The following TRAPPC9 variants were observed in gnomAD, a reference collection of about 807,000 sequenced individuals.
TRAPPC9 encodes the protein IKK2 binding protein.
TRAPPC9 carries 83 observed loss-of-function variants against 124.0 expected under a neutral mutation model. The observed-to-expected ratio is 0.67, with a 90% CI of 0.56 to 0.80. The LOEUF is 0.80. TRAPPC9 is among the 30% of genes least tolerant of loss of function. The probability of loss-of-function intolerance (pLI) is 0.00; values close to 1 mark genes in which losing one functional copy is unlikely to be tolerated. For synonymous variants in TRAPPC9, 638 were observed against 617.5 expected, an observed-to-expected ratio of 1.03 and a Z score of -0.49; for missense variants, 1,302 against 1,508.3, an observed-to-expected ratio of 0.86 and a Z score of 2.27.
At chr8:139,937,235 A>C (rs1833588804) in intron 19 of TRAPPC9, among the ~76,000 whole-genome samples, 1 of 152,170 alleles carries the variant, frequency 6.6e-6, no homozygotes, top group African/African-American at 2.4e-5. Context: ...TTATGGGAAG[A>C]GGCACAGAAG....
intron 2 of TRAPPC9, among the ~76,000 whole-genome samples, chr8:140,443,777 C>T (rs2071133393): frequency 6.6e-6 from 1 of 152,078 alleles, no homozygotes. Context: ...TGGCTCACGC[C>T]TGTAATACCA....
rs1823381934 is a variant in TRAPPC9 at position 139,800,161 on chromosome 8, GGCTGAGGTCCCCAGCCC to G, written c.3056-67976_3056-67960del. ...GCGCTCCTGCCGCTGGGGCGCCTTT[GGCTGAGGTCCCCAGCCC>G]GCTGTGCTGTGTGGTGCTGTGAGAC... On this transcript the variant is annotated intron_variant, in intron 21 of 22. Transcript: ENST00000438773. Among the ~76,000 whole-genome samples, 5 of 152,374 alleles carry G rather than the reference GGCTGAGGTCCCCAGCCC, an allele frequency of 3.3e-5. No individual in the cohort carries two copies. In the South Asian group the frequency reaches 1.0e-3, roughly 32 times the overall value.
Position 140,075,141 on chromosome 8 carries a change from G to C in TRAPPC9, c.2557-51062C>G, listed in dbSNP as rs1357164195. Among the ~76,000 whole-genome samples the C allele has an allele frequency of 2.0e-5, 3 of 152,132 alleles. No individual in the cohort carries two copies. In the East Asian group the frequency reaches 5.8e-4, roughly 29 times the overall value. ...GCCCTGCAGACAGGGCTCGGCCCCA[G>C]AGCAGGTGACTCCAGAAAAACACCA... is the stretch of plus-strand genomic sequence containing the variant. On this transcript the variant is annotated intron_variant, in intron 17 of 22. Transcript: ENST00000438773.
At chr8:140,184,008 G>A (rs2062291861) in intron 17 of TRAPPC9, among the ~76,000 whole-genome samples, 1 of 147,458 alleles carries the variant, frequency 6.8e-6, no homozygotes, top group Non-Finnish European at 1.5e-5. Context: ...GAGGGGAGAA[G>A]AGAAGATCCA....
intron 21 of TRAPPC9, among the ~76,000 whole-genome samples, chr8:139,747,221 G>A (rs1007449574): frequency 1.1e-4 from 16 of 152,168 alleles, no homozygotes; most frequent in African/African-American, 4.8e-5. Flanking sequence ...GTGGCTCTGT[G>A]TTGAGTCCTT....
rs187984630 is a variant in TRAPPC9, at chr8:140,087,565, G to A, written c.2557-63486C>T. Among the ~76,000 whole-genome samples the A allele has an allele frequency of 5.3e-5, 8 of 152,192 alleles. No homozygotes were observed. Among genetic ancestry groups the A allele is most frequent in the South Asian group, 4.2e-4 (2 of 4,804 alleles). On this transcript the variant is annotated intron_variant, in intron 17 of 22. Transcript: ENST00000438773. The surrounding 1 kb of genome is among the most constrained non-coding windows in gnomAD (Gnocchi z 4.6). Reference sequence around the variant, plus strand: ...CATCTCAGTAAATAAAACAACCACCGTCCAGCTGCTCAGGCCAAAACCTTA... The same window carrying A: ...CATCTCAGTAAATAAAACAACCACCATCCAGCTGCTCAGGCCAAAACCTTA...
At chr8:139,804,495 C>A (rs1160956036) in intron 21 of TRAPPC9, among the ~76,000 whole-genome samples, 8 of 125,462 alleles carry the variant, frequency 6.4e-5, no homozygotes, top group East Asian at 2.6e-4. Flanking sequence ...CACCACCACA[C>A]ACACAACCAC....
chr8:139,764,069 G>A (rs1008810605), intron 21 of TRAPPC9, among the ~76,000 whole-genome samples: 8 of 152,206 alleles, frequency 5.3e-5, no homozygotes, highest in Non-Finnish European at 1.5e-5. Flanking sequence ...AGTGAAGAAG[G>A]GCCTTGGGAG....
chr8:140,259,143 G>A (rs1463959812), intron 15 of TRAPPC9, among the ~76,000 whole-genome samples: 7 of 152,056 alleles, frequency 4.6e-5, no homozygotes, highest in East Asian at 3.9e-4. Flanking sequence ...CTCCTTCCCC[G>A]CTCTTCACCC....
At chr8:140,442,480 C>T (rs546687625) in intron 2 of TRAPPC9, among the ~76,000 whole-genome samples, 4 of 151,872 alleles carry the variant, frequency 2.6e-5, no homozygotes, top group South Asian at 4.2e-4. Context: ...GCGCCGTAGT[C>T]CCAGCTACTC....
chr8:139,917,172 T>C (rs1274341835), intron 19 of TRAPPC9, among the ~76,000 whole-genome samples: 3 of 133,858 alleles, frequency 2.2e-5, no homozygotes, highest in East Asian at 2.2e-4. Context: ...ATTTTCTTTT[T>C]TTTTTTTTTT....
intron 17 of TRAPPC9, among the ~76,000 whole-genome samples, chr8:140,189,326 C>A (rs910964075): frequency 3.9e-5 from 6 of 152,208 alleles, no homozygotes; most frequent in African/African-American, 9.6e-5. Context: ...ATACACAACT[C>A]CTTGCCTTAG....
At chr8:140,110,003 A>G (rs2060734379) in intron 17 of TRAPPC9, among the ~76,000 whole-genome samples, 2 of 152,076 alleles carry the variant, frequency 1.3e-5, no homozygotes, top group Admixed American at 6.5e-5. Flanking sequence ...GTTCCAAGAG[A>G]CAGACTCAGG....
At chr8:139,980,589 G>A (rs987271531) in intron 19 of TRAPPC9, among the ~76,000 whole-genome samples, 9 of 152,334 alleles carry the variant, frequency 5.9e-5, no homozygotes, top group East Asian at 3.9e-4. Flanking sequence ...GCCATGCATC[G>A]GGCATGGCCT....
intron 16 of TRAPPC9, among the ~76,000 whole-genome samples, chr8:140,245,838 G>A (rs1287822962): frequency 6.6e-6 from 1 of 152,192 alleles, no homozygotes; most frequent in Admixed American, 6.5e-5. Context: ...CTCCCAGCAG[G>A]AGGAACATAA....
At chr8:139,853,627 G>A (rs1235234184) in intron 21 of TRAPPC9, among the ~76,000 whole-genome samples, 1 of 152,196 alleles carries the variant, frequency 6.6e-6, no homozygotes, top group African/African-American at 2.4e-5. Context: ...TGGGGATTCA[G>A]GCCTAAGCTC....
intron 8 of TRAPPC9, among the ~76,000 whole-genome samples, chr8:140,362,855 G>A (rs903026459): frequency 2.0e-5 from 3 of 152,214 alleles, no homozygotes; most frequent in African/African-American, 7.2e-5. Context: ...TCACTTTGCT[G>A]ATTCTTTTAA....
chr8:140,458,449 G>A (rs1232971431), upstream of TRAPPC9: 2 of 1,577,586 alleles, frequency 1.3e-6, no homozygotes, highest in Non-Finnish European at 1.7e-6. Flanking sequence ...CGTGGCGCGC[G>A]CGGCCTGGGA....
At chr8:140,014,600 C>T (rs182278774) in intron 18 of TRAPPC9, among the ~76,000 whole-genome samples, 13 of 152,204 alleles carry the variant, frequency 8.5e-5, no homozygotes, top group East Asian at 5.8e-4. Context: ...GACCAAGCTG[C>T]GGCAGAGAAA....
Sources: gnomAD v4.1 joint callset for allele counts (sites outside exome capture counted in the v4.1 genomes callset) on GRCh38, gnomAD v4.1.1 for gene constraint, Gnocchi (gnomAD v3.1) non-coding constraint, MANE v1.5 for transcripts, NCBI Gene and HGNC (gene_info 2026-07-23, HGNC 2026-07-21) for gene names.